Variants in SRP54 observed in about 807,000 individuals in gnomAD.
The protein encoded by SRP54 is signal recognition particle subunit SRP54.
A neutral mutation model predicts 64.8 loss-of-function variants in SRP54; 10 were observed. That is an observed-to-expected ratio of 0.15 (90% CI 0.10 to 0.26). SRP54 has a LOEUF of 0.26. SRP54 is among the 10% of genes least tolerant of loss of function. The pLI, the probability that SRP54 is intolerant of heterozygous loss-of-function variation, is 1.00. For synonymous variants in SRP54, 193 were observed against 185.6 expected (o/e 1.04, Z -0.32); for missense variants, 325 against 613.7 (o/e 0.53, Z 4.97).
intron 14 of SRP54, among the ~76,000 whole-genome samples, chr14:35,026,851 G>C (rs2044635281): frequency 6.6e-6 from 1 of 152,072 alleles, no homozygotes; most frequent in Non-Finnish European, 1.5e-5. Flanking sequence ...GCTGAGACAG[G>C]AGAATGGTGT....
intron 14 of SRP54, among the ~76,000 whole-genome samples, chr14:35,027,092 C>T (rs1400596789): frequency 6.2e-5 from 9 of 145,744 alleles, no homozygotes; most frequent in East Asian, 4.2e-4. Flanking sequence ...TACAGTGGTG[C>T]GATCTTGATT....
At chr14:35,008,559 C>G in intron 5 of SRP54, 68 bp from the exon 6 acceptor site, 1 of 1,075,836 alleles carries the variant, frequency 9.3e-7, no homozygotes. Context: ...TAAGGAAAAA[C>G]AGAAAAAATT....
chr14:34,986,776 G>A (rs2138956316), intron 1 of SRP54, among the ~76,000 whole-genome samples: 1 of 151,992 alleles, frequency 6.6e-6, no homozygotes, highest in East Asian at 1.9e-4. Context: ...CTACTTGGGA[G>A]GCCAAGGCAG....
At chr14:35,012,324 T>C (rs560377909) in intron 8 of SRP54, among the ~76,000 whole-genome samples, 2 of 152,302 alleles carry the variant, frequency 1.3e-5, no homozygotes, top group Non-Finnish European at 1.5e-5. Context: ...TTAAAAAATA[T>C]TAATTATCAT....
At chr14:34,997,400 G>A (rs1389430559) in intron 2 of SRP54, among the ~76,000 whole-genome samples, 3 of 152,102 alleles carry the variant, frequency 2.0e-5, no homozygotes, top group Admixed American at 6.5e-5. Context: ...GTTGACTGTG[G>A]TTCACAAGTA....
intron 5 of SRP54, 40 bp from the exon 6 acceptor site, chr14:35,008,587 T>C (rs754333226): frequency 7.5e-7 from 1 of 1,327,112 alleles, no homozygotes; most frequent in South Asian, 1.7e-5. Context: ...TAGTTTGTTA[T>C]ATTTTATGAT....
chr14:35,014,290 T>TTTTTTTTTTTTTTTTTTTG (rs376712278), intron 10 of SRP54, among the ~76,000 whole-genome samples: 4,891 of 124,524 alleles, frequency 0.039, 345 homozygotes, highest in East Asian at 0.071. Flanking sequence ...TTTTTTTTTT[T>TTTTTTTTTTTTTTTTTTTG]TTTTGAGACG....
intron 4 of SRP54, among the ~76,000 whole-genome samples, chr14:35,001,485 A>T (rs2044172389): frequency 6.6e-6 from 1 of 152,150 alleles, no homozygotes; most frequent in African/African-American, 2.4e-5. Context: ...TACTGAATAT[A>T]CATAATTCTG....
chr14:34,996,644 G>A, intron 1 of SRP54, 33 bp from the exon 2 acceptor site: 1 of 1,072,528 alleles, frequency 9.3e-7, no homozygotes. Context: ...AAGTGAAATT[G>A]ATTATTCTCA....
intron 2 of SRP54, 67 bp downstream of exon 2, chr14:34,996,854 T>G: frequency 8.9e-7 from 1 of 1,122,154 alleles, no homozygotes; most frequent in Non-Finnish European, 1.4e-6. Flanking sequence ...AGATGGCTTA[T>G]TCATAATCCC....
intron 14 of SRP54, among the ~76,000 whole-genome samples, chr14:35,025,134 C>T (rs1044066498): frequency 1.3e-5 from 2 of 152,132 alleles, no homozygotes; most frequent in African/African-American, 4.8e-5. Context: ...TTTCCAAAGA[C>T]TTCCAACTGT....
Position 35,019,023 on chromosome 14 carries a change from A to T in SRP54, c.1105A>T (p.Met369Leu). The T allele has an allele frequency of 1.9e-5, 31 of 1,613,884 alleles. No individual in the cohort carries two copies. The highest frequency in any genetic ancestry group is 2.5e-5 in the Non-Finnish European group (30 of 1,179,888). ...FMSKGNEQES[M>L]ARLKKLMTIM... is the part of the protein sequence containing the mutation. ...GAGCAAAGGAAATGAACAGGAGTCAATGGCAAGGCTAAAGAAATTAATGAC... is the reference window on the plus strand; with the variant it reads ...GAGCAAAGGAAATGAACAGGAGTCATTGGCAAGGCTAAAGAAATTAATGAC... The change falls in exon 13 of 16, where the codon ATG (methionine) becomes TTG (leucine). Residue 369 changes from methionine to leucine, a missense_variant. Around this residue, in one of 3 missense-constraint regions of SRP54, gnomAD observed 146 missense variants for 337.4 expected, o/e 0.43. Transcript: ENST00000216774.
At chr14:35,014,612 CATTTG>C in intron 10 of SRP54, 127 bp from the exon 11 acceptor site, 1 of 671,996 alleles carries the variant, frequency 1.5e-6, no homozygotes, top group Non-Finnish European at 2.5e-6. Context: ...TTGGTTTTCT[CATTTG>C]TGTAGTGTAG....
chr14:35,008,882 A>AG, intron 7 of SRP54, 51 bp downstream of exon 7: 1 of 990,312 alleles, frequency 1.0e-6, no homozygotes, highest in Non-Finnish European at 1.4e-6. Flanking sequence ...CTTGTCTGTC[A>AG]GCTTTTTTTT....
At chr14:35,007,565 T>C (rs1357047383) in intron 5 of SRP54, among the ~76,000 whole-genome samples, 178 bp downstream of exon 5, 1 of 147,038 alleles carries the variant, frequency 6.8e-6, no homozygotes, top group Non-Finnish European at 1.5e-5. Flanking sequence ...ATATAAAATA[T>C]ATTTACATAA....
Position 35,029,433 on chromosome 14 carries a change from G to A in SRP54, c.*281G>A. On this transcript the variant is annotated 3_prime_UTR_variant, in exon 16 of 16. Coordinates refer to ENST00000216774, the MANE Select transcript of SRP54 (RefSeq NM_003136.4). ...CATAACACTTAAGTTAAATCATGAT[G>A]TAAAATTTTAGTACTTAAAGGTTTT... is the stretch of plus-strand genomic sequence containing the variant. The A allele has an allele frequency of 3.7e-6, 1 of 272,246 alleles. No homozygotes were observed. Among genetic ancestry groups the A allele is most frequent in the Non-Finnish European group, 6.9e-6 (1 of 145,106 alleles). 16.9% of individuals were successfully genotyped at this position (272,246 alleles called of 1,614,324 possible).
intron 1 of SRP54, among the ~76,000 whole-genome samples, chr14:34,990,566 TC>T (rs1341508840): frequency 6.6e-6 from 1 of 152,228 alleles, no homozygotes; most frequent in Non-Finnish European, 1.5e-5. Context: ...TAGAGATTCT[TC>T]CTTTGTGAAA....
At chr14:35,025,396 A>G (rs2044605406) in intron 14 of SRP54, among the ~76,000 whole-genome samples, 1 of 152,208 alleles carries the variant, frequency 6.6e-6, no homozygotes, top group South Asian at 2.1e-4. Flanking sequence ...TGACAAAAAA[A>G]TTAGACAAAC....
intron 4 of SRP54, among the ~76,000 whole-genome samples, chr14:35,006,000 C>T (rs988844209): frequency 7.9e-5 from 12 of 152,040 alleles, no homozygotes; most frequent in Admixed American, 3.3e-4. Flanking sequence ...CCACCACGCC[C>T]GGCTAATTTT....
Sources: allele counts gnomAD v4.1 joint callset (sites outside exome capture counted in the v4.1 genomes callset), GRCh38; gene constraint gnomAD v4.1.1; regional missense constraint gnomAD v4.1.1; transcripts MANE v1.5; gene names NCBI Gene and HGNC (gene_info 2026-07-23, HGNC 2026-07-21).